The following IGSF9 variants were observed in gnomAD, a reference collection of about 807,000 sequenced individuals.
IGSF9 encodes immunoglobulin superfamily member 9.
In IGSF9, 87 loss-of-function variants were observed where a neutral mutation model predicts 121.7. The observed-to-expected ratio is 0.71, with a 90% CI of 0.60 to 0.85. IGSF9 has a LOEUF of 0.85. Among genes scored for constraint, IGSF9 ranks in the 40% least tolerant of loss-of-function variants. The pLI is 0.00. For synonymous variants in IGSF9, 640 were observed against 648.4 expected, an observed-to-expected ratio of 0.99 and a Z score of 0.20; for missense variants, 1,462 against 1,565.3, an observed-to-expected ratio of 0.93 and a Z score of 1.11.
chr1:159,927,292 GGGGCCTCCTTTGCA>G lies in IGSF9; in HGVS notation c.*39_*52del. On this transcript the variant is annotated 3_prime_UTR_variant, in exon 21 of 21. Coordinates refer to ENST00000368094, the MANE Select transcript of IGSF9 (RefSeq NM_001135050.2). ...GTTTGAAACTAGGTCTGTCTGGTTGGGGGCCTCCTTTGCAGGTCCATATGCCTTTTCACAGCCTC... is the reference window on the plus strand; with the variant it reads ...GTTTGAAACTAGGTCTGTCTGGTTGGGGTCCATATGCCTTTTCACAGCCTC... 6.2e-7 allele frequency: 1 copy of G among 1,603,352 alleles called. No homozygotes were observed. Among genetic ancestry groups the G allele is most frequent in the Non-Finnish European group, 8.5e-7 (1 of 1,172,640 alleles).
In IGSF9 at chr1:159,931,969, A is replaced by C; in HGVS notation, c.1246-41T>G. ...GGCATTGGGAGGGGCCCTCTCTTAC[A>C]TCTAAGGCTGGCTACTCCCTCTCTC... On this transcript the variant is annotated intron_variant, in intron 10 of 20. Coordinates refer to ENST00000368094, the MANE Select transcript of IGSF9 (RefSeq NM_001135050.2). The surrounding 1 kb of genome is among the most constrained non-coding windows in gnomAD (Gnocchi z 4.8). 7.8e-7 allele frequency: 1 copy of C among 1,289,680 alleles called. No homozygotes were observed. Among genetic ancestry groups the C allele is most frequent in the Non-Finnish European group, 1.1e-6 (1 of 911,964 alleles). The allele number at this position is 1,289,680 out of a possible 1,614,324, so 79.9% of individuals were successfully genotyped here.
intron 3 of IGSF9, among the ~76,000 whole-genome samples, chr1:159,938,645 C>T (rs575549844): frequency 3.3e-5 from 5 of 152,286 alleles, no homozygotes; most frequent in East Asian, 1.9e-4. Context: ...AGTGTAGCCT[C>T]GTGATACAAG....
In IGSF9 at chr1:159,931,372, C is replaced by T; in HGVS notation, c.1513+81G>A. 1 of 1,597,408 alleles carries T rather than the reference C, an allele frequency of 6.3e-7. No homozygotes were observed. On this transcript the variant is annotated intron_variant, in intron 12 of 20. Coordinates refer to ENST00000368094, the MANE Select transcript of IGSF9 (RefSeq NM_001135050.2). This position sits in a 1 kb window ranked among gnomAD's most constrained non-coding sequence, Gnocchi z 4.8. ...CCATCATCATCCCAGGGGTCCCACA[C>T]CCATGATCCTCTTTCTGGGCCTCCA...
At position 159,931,031 on chromosome 1, in the gene IGSF9, G is replaced by C; in HGVS notation, c.1637+107C>G. ...AAACAGGGAAGCAGAGCCAGGACTG[G>C]TGAGGGATAGAGGGACAGAAGAAAG... is the stretch of plus-strand genomic sequence containing the variant. On this transcript the variant is annotated intron_variant, in intron 13 of 20. Coordinates refer to ENST00000368094, the MANE Select transcript of IGSF9 (RefSeq NM_001135050.2). This position sits in a 1 kb window ranked among gnomAD's most constrained non-coding sequence, Gnocchi z 4.8. 3.3e-6 allele frequency: 5 copies of C among 1,527,692 alleles called. No homozygotes were observed. The highest frequency in any genetic ancestry group is 4.5e-6 in the Non-Finnish European group (5 of 1,119,780). 94.6% of individuals were successfully genotyped at this position (1,527,692 alleles called of 1,614,324 possible).
Position 159,931,083 on chromosome 1 carries a change from G to A in IGSF9, c.1637+55C>T. The stretch of plus-strand genomic sequence containing the variant: ...GCAGAAGGCCAGATAGGTTCAAGGA[G>A]GAGAGGAAAGGAGGCAAGATTGGCA... On this transcript the variant is annotated intron_variant, in intron 13 of 20. Transcript: ENST00000368094. This position sits in a 1 kb window ranked among gnomAD's most constrained non-coding sequence, Gnocchi z 4.8. 1 of 1,612,444 alleles carries A rather than the reference G, an allele frequency of 6.2e-7. No homozygotes were observed. Among genetic ancestry groups the A allele is most frequent in the African/African-American group, 1.3e-5 (1 of 75,004 alleles).
chr1:159,930,988 G>T, intron 13 of IGSF9, 121 bp from the exon 14 acceptor site: 1 of 1,439,152 alleles, frequency 6.9e-7, no homozygotes. Flanking sequence ...CCTTGGCCCT[G>T]AATGCCTCAG....
In IGSF9 at chr1:159,932,919, T is replaced by C. The variant is rs867365088; in HGVS notation, c.1105-267A>G. ...ACACTGTGAATGGCCACCCCTGTAG[T>C]TGGGCCGCGTGGGGCTTCCTGCCTG... On this transcript the variant is annotated intron_variant, in intron 9 of 20. Coordinates refer to ENST00000368094, the MANE Select transcript of IGSF9 (RefSeq NM_001135050.2). The surrounding 1 kb of genome is among the most constrained non-coding windows in gnomAD (Gnocchi z 4.1). The C allele has an allele frequency of 8.4e-5, 30 of 358,544 alleles. No individual in the cohort carries two copies. The highest frequency in any genetic ancestry group is 1.7e-4 in the African/African-American group (8 of 47,014). The allele number at this position is 358,544 out of a possible 1,614,324, so 22.2% of individuals were successfully genotyped here.
At position 159,932,689 on chromosome 1, in the gene IGSF9, C is replaced by A; in HGVS notation, c.1105-37G>T. 1 of 1,582,772 alleles carries A rather than the reference C, an allele frequency of 6.3e-7. No homozygotes were observed. ...AGAAGATGACAGCTAGAGAGAGGAG[C>A]TCAGCAGAGACAAGCCCGGGATGGC... On this transcript the variant is annotated intron_variant, in intron 9 of 20. Coordinates refer to ENST00000368094, the MANE Select transcript of IGSF9 (RefSeq NM_001135050.2). The surrounding 1 kb of genome is among the most constrained non-coding windows in gnomAD (Gnocchi z 4.1).
In IGSF9 at chr1:159,928,427, C is replaced by T. The variant is rs779143683; in HGVS notation, c.2961G>A (p.Gly987=). 1.2e-6 allele frequency: 2 copies of T among 1,604,632 alleles called. No individual in the cohort carries two copies. Among genetic ancestry groups the T allele is most frequent in the African/African-American group, 2.7e-5 (2 of 74,830 alleles). The change falls in exon 19 of 21, where the codon GGG becomes GGA. Residue 987 remains glycine (G), a synonymous_variant. Transcript: ENST00000368094. ...AAGGGGGCTCTGCAGTGGCCCCAGC[C>T]CCTACCACAGCCCCAGGAAGTGATT... ...PRESLPGAVV[G]AGATAEPPYT...
intron 16 of IGSF9, 32 bp downstream of exon 16, chr1:159,929,859 C>T (rs1471299846): frequency 6.3e-7 from 1 of 1,584,212 alleles, no homozygotes; most frequent in Non-Finnish European, 8.6e-7. Context: ...TCGGAGCAGC[C>T]CTGGGGCTCC....
chr1:159,936,681 C>G (rs1651198467), intron 5 of IGSF9, 73 bp downstream of exon 5: 1 of 1,578,520 alleles, frequency 6.3e-7, no homozygotes, highest in South Asian at 1.1e-5. Context: ...CCTCTGTCCT[C>G]TGGCCCCACT....
Position 159,927,093 on chromosome 1 carries a change from CACACAGAGAG to C in IGSF9, c.*242_*251del. 2 of 535,926 alleles carry C rather than the reference CACACAGAGAG, an allele frequency of 3.7e-6. No individual in the cohort carries two copies. The highest frequency in any genetic ancestry group is 3.2e-5 in the East Asian group (1 of 31,282). 33.2% of individuals were successfully genotyped at this position (535,926 alleles called of 1,614,324 possible). A position where few individuals can be genotyped will look rare whatever the true frequency, so the allele number is the denominator to read the frequency against. On this transcript the variant is annotated 3_prime_UTR_variant, in exon 21 of 21. Coordinates refer to ENST00000368094, the MANE Select transcript of IGSF9 (RefSeq NM_001135050.2). ...AAAAAACTTCACACACACACACACA[CACACAGAGAG>C]AGAGAGAGAGAGAGAGAGAGAGAGA... is the stretch of plus-strand genomic sequence containing the variant.
At position 159,928,153 on chromosome 1, in the gene IGSF9, C is replaced by T. The variant is rs376404604; in HGVS notation, c.3230+5G>A. On this transcript the variant is annotated splice_donor_5th_base_variant and intron_variant, in intron 19 of 20. Transcript: ENST00000368094. ...GAGGCAGGGATGGGCAGGGACTGCT[C>T]TCACCTCTTGCTGACTGTCACCACA... 5 of 1,604,632 alleles carry T rather than the reference C, an allele frequency of 3.1e-6. No individual in the cohort carries two copies. The highest frequency in any genetic ancestry group is 1.7e-5 in the Admixed American group (1 of 59,922).
chr1:159,936,271 C>G (rs1161368947), intron 6 of IGSF9, 128 bp downstream of exon 6: 1 of 805,062 alleles, frequency 1.2e-6, no homozygotes, highest in Non-Finnish European at 2.1e-6. Flanking sequence ...TGGGAACCCC[C>G]TTAGCTTCCA....
intron 3 of IGSF9, among the ~76,000 whole-genome samples, chr1:159,938,790 G>A (rs914067494): frequency 1.3e-5 from 2 of 152,168 alleles, no homozygotes; most frequent in African/African-American, 4.8e-5. Flanking sequence ...AATTGGGGTG[G>A]GGTGGAGGAG....
In IGSF9 at chr1:159,927,537, C is replaced by T. The variant is rs2153208; in HGVS notation, c.3359-11G>A. On this transcript the variant is annotated splice_polypyrimidine_tract_variant and intron_variant, in intron 20 of 20. Transcript: ENST00000368094. ...CTGGAGTCTTCACACCTGCAAGAGG[C>T]GGGCAGGACAATGAGAAGAAGCCCT... 0.11 allele frequency: 176,052 copies of T among 1,606,548 alleles called. 12,374 individuals are homozygous for T. The highest frequency in any genetic ancestry group is 0.35 in the African/African-American group (26,334 of 74,748).
chr1:159,941,288 C>T (rs940414985), intron 3 of IGSF9, among the ~76,000 whole-genome samples: 1 of 152,322 alleles, frequency 6.6e-6, no homozygotes, highest in Admixed American at 6.5e-5. Flanking sequence ...CAACCTCTAC[C>T]TCCTGTTGCT....
chr1:159,936,574 T>C, intron 5 of IGSF9, 58 bp from the exon 6 acceptor site: 1 of 1,570,824 alleles, frequency 6.4e-7, no homozygotes, highest in Non-Finnish European at 8.7e-7. Context: ...GATCCTGCAC[T>C]TCCGAGTTTG....
chr1:159,927,410 T>G lies in IGSF9; in HGVS notation c.3475A>C (p.Thr1159Pro), dbSNP rs941143213. Residue 1159 changes from threonine to proline, a missense_variant, in exon 21 of 21, where the codon ACT becomes CCT. This residue lies in a region of IGSF9 where 808 missense variants were observed against 815.2 expected (regional missense o/e 0.99). Transcript: ENST00000368094. ...FLAFRRRRDA[T>P]RARLPAYRQP... ...CGATAGGCTGGTAGCCGAGCCCTAG[T>G]AGCATCTCGGCGGCGGCGGAAGGCC... 29 of 1,613,946 alleles carry G rather than the reference T, an allele frequency of 1.8e-5. No homozygotes were observed. The highest frequency in any genetic ancestry group is 2.4e-5 in the Non-Finnish European group (28 of 1,180,006).
Sources: allele counts gnomAD v4.1 joint callset (sites outside exome capture counted in the v4.1 genomes callset), GRCh38; gene constraint gnomAD v4.1.1; regional missense constraint gnomAD v4.1.1; non-coding constraint Gnocchi (gnomAD v3.1); transcripts MANE v1.5; gene names NCBI Gene and HGNC (gene_info 2026-07-23, HGNC 2026-07-21).